Variants in KCNIP1 observed in about 807,000 individuals in gnomAD.
The protein encoded by KCNIP1 is potassium voltage-gated channel interacting protein 1.
In KCNIP1, 18 loss-of-function variants were observed where a neutral mutation model predicts 33.0. That is an observed-to-expected ratio of 0.55 (90% CI 0.38 to 0.81). The LOEUF (loss-of-function observed/expected upper bound fraction) is 0.81. Among genes scored for constraint, KCNIP1 ranks in the 30% least tolerant of loss-of-function variants. The probability of loss-of-function intolerance (pLI) is 0.00; values close to 1 mark genes in which losing one functional copy is unlikely to be tolerated. For missense variants in KCNIP1, 238 were observed against 271.6 expected (o/e 0.88, Z 0.87); for synonymous variants, 93 against 98.3 (o/e 0.95, Z 0.32).
chr5:170,712,085 C>T (rs1763467344), intron 1 of KCNIP1, among the ~76,000 whole-genome samples: 1 of 152,186 alleles, frequency 6.6e-6, no homozygotes, highest in Non-Finnish European at 1.5e-5. Flanking sequence ...AGGAGAGTAT[C>T]TAGTGGAGCT....
intron 1 of KCNIP1, among the ~76,000 whole-genome samples, chr5:170,539,740 C>A (rs1435049431): frequency 6.6e-6 from 1 of 152,056 alleles, no homozygotes; most frequent in Non-Finnish European, 1.5e-5. Flanking sequence ...AGAACTCAGG[C>A]CTGGTACAGG....
chr5:170,547,570 T>C (rs1756462129), intron 1 of KCNIP1, among the ~76,000 whole-genome samples: 1 of 152,188 alleles, frequency 6.6e-6, no homozygotes, highest in Non-Finnish European at 1.5e-5. Context: ...TTCCCATCTA[T>C]GTGTCCTTGT....
chr5:170,599,251 T>G (rs932309939), intron 1 of KCNIP1, among the ~76,000 whole-genome samples: 2 of 152,108 alleles, frequency 1.3e-5, no homozygotes, highest in Non-Finnish European at 2.9e-5. Flanking sequence ...TAGCGCTCAA[T>G]AAGTGCTAGC....
intron 1 of KCNIP1, among the ~76,000 whole-genome samples, chr5:170,454,814 T>C (rs1455136410): frequency 1.3e-5 from 2 of 152,228 alleles, no homozygotes; most frequent in African/African-American, 4.8e-5. Flanking sequence ...ATCTAGTCTG[T>C]GTATTCATTT....
At chr5:170,371,807 A>AT (rs1324388901) in intron 1 of KCNIP1, among the ~76,000 whole-genome samples, 1 of 152,212 alleles carries the variant, frequency 6.6e-6, no homozygotes. Flanking sequence ...ATAGTGAGTT[A>AT]TTCATCCAAA....
intron 1 of KCNIP1, chr5:170,680,641 ATCT>A (rs149404559): frequency 0.065 from 9,961 of 153,636 alleles, 420 homozygotes; most frequent in Middle Eastern, 0.12. Flanking sequence ...TTGAAAAAGC[ATCT>A]TTCATCTCTC....
At chr5:170,605,201 TATC>T (rs34523318) in intron 1 of KCNIP1, among the ~76,000 whole-genome samples, 10,539 of 152,184 alleles carry the variant, frequency 0.069, 442 homozygotes, top group East Asian at 0.099. Context: ...CACCCTCCCT[TATC>T]ATGTGCCCCG....
At chr5:170,360,260 C>A (rs1437800973) in intron 1 of KCNIP1, among the ~76,000 whole-genome samples, 1 of 152,176 alleles carries the variant, frequency 6.6e-6, no homozygotes, top group Non-Finnish European at 1.5e-5. Context: ...GTGGAAGTGG[C>A]GATGTGAAGT....
At position 170,508,539 on chromosome 5, in the gene KCNIP1, A is replaced by G. The variant is rs1314619904; in HGVS notation, c.61+3906A>G. Among the ~76,000 whole-genome samples the G allele has an allele frequency of 5.3e-5, 8 of 152,372 alleles. No individual in the cohort carries two copies. The East Asian group carries it at 1.5e-3, about 29-fold the overall frequency. ...AGAGAAGCAGTAGCCGTGTTGTCACATAGTCCTGAGCCCAAGGGGCAGGCC... is the reference window on the plus strand; with the variant it reads ...AGAGAAGCAGTAGCCGTGTTGTCACGTAGTCCTGAGCCCAAGGGGCAGGCC... On this transcript the variant is annotated intron_variant, in intron 1 of 7. Transcript: ENST00000328939.
intron 1 of KCNIP1, among the ~76,000 whole-genome samples, chr5:170,519,588 C>T (rs774246353): frequency 4.6e-5 from 7 of 151,830 alleles, no homozygotes; most frequent in South Asian, 2.1e-4. Context: ...GTAAATGGAG[C>T]GAGGGAGGGA....
chr5:170,571,960 G>C (rs1757426569), intron 1 of KCNIP1, among the ~76,000 whole-genome samples: 1 of 152,160 alleles, frequency 6.6e-6, no homozygotes. Context: ...ATAGAGATGT[G>C]AATACAGAGA....
chr5:170,567,793 A>G (rs922853928), intron 1 of KCNIP1, among the ~76,000 whole-genome samples: 2 of 152,218 alleles, frequency 1.3e-5, no homozygotes, highest in African/African-American at 4.8e-5. Flanking sequence ...GATGATGGGA[A>G]ATGCCACTCT....
chr5:170,705,361 G>T (rs1763223482), intron 1 of KCNIP1, among the ~76,000 whole-genome samples: 1 of 152,188 alleles, frequency 6.6e-6, no homozygotes, highest in African/African-American at 2.4e-5. Context: ...TGCACTCCTT[G>T]CATCTGGAAG....
At chr5:170,510,064 ATCCTCCCTCT>A (rs1488928259) in intron 1 of KCNIP1, among the ~76,000 whole-genome samples, 2 of 151,914 alleles carry the variant, frequency 1.3e-5, no homozygotes, top group Non-Finnish European at 2.9e-5. Flanking sequence ...TGGCTTCCTC[ATCCTCCCTCT>A]TCCTCCATCT....
intron 1 of KCNIP1, among the ~76,000 whole-genome samples, chr5:170,565,315 T>C (rs561398358): frequency 6.6e-6 from 1 of 152,276 alleles, no homozygotes; most frequent in South Asian, 2.1e-4. Context: ...CCTCTCCCCA[T>C]GGAGTCACCA....
chr5:170,384,624 C>T (rs1218215568), intron 1 of KCNIP1, among the ~76,000 whole-genome samples: 1 of 152,244 alleles, frequency 6.6e-6, no homozygotes, highest in Non-Finnish European at 1.5e-5. Context: ...CTGTCAGCTG[C>T]TGGAACGTGC....
chr5:170,721,031 ACT>A, intron 3 of KCNIP1, among the ~76,000 whole-genome samples: 1 of 152,130 alleles, frequency 6.6e-6, no homozygotes, highest in East Asian at 1.9e-4. Context: ...CACATCGGTG[ACT>A]CCTCCTGTGG....
intron 1 of KCNIP1, among the ~76,000 whole-genome samples, chr5:170,628,123 T>A (rs1759908995): frequency 6.6e-6 from 1 of 152,170 alleles, no homozygotes; most frequent in African/African-American, 2.4e-5. Flanking sequence ...AAGATAAGAA[T>A]GCAGCCAAAG....
At chr5:170,592,641 T>G (rs1758301827) in intron 1 of KCNIP1, among the ~76,000 whole-genome samples, 1 of 152,206 alleles carries the variant, frequency 6.6e-6, no homozygotes, top group Admixed American at 6.5e-5. Flanking sequence ...CAGAATCTCT[T>G]ACATGCTGGA....
Sources: gnomAD v4.1 joint callset for allele counts (sites outside exome capture counted in the v4.1 genomes callset) on GRCh38, gnomAD v4.1.1 for gene constraint, MANE v1.5 for transcripts, NCBI Gene and HGNC (gene_info 2026-07-23, HGNC 2026-07-21) for gene names.